ZNF69: variants seen among roughly 807,000 people sequenced by gnomAD.
ZNF69 encodes the protein zinc finger protein 69.
A neutral mutation model predicts 50.9 loss-of-function variants in ZNF69; 47 were observed. That is an observed-to-expected ratio of 0.92 (90% CI 0.73 to 1.18). The LOEUF (loss-of-function observed/expected upper bound fraction) is 1.18, where lower values mean the gene tolerates loss of function less well. Among genes scored for constraint, ZNF69 ranks in the 50% most tolerant of loss-of-function variants. The probability of loss-of-function intolerance (pLI) is 0.00; values close to 1 mark genes in which losing one functional copy is unlikely to be tolerated. For missense variants in ZNF69, 717 were observed against 675.1 expected (o/e 1.06, Z -0.69); for synonymous variants, 216 against 223.1 (o/e 0.97, Z 0.29).
rs1972347996 is a variant in ZNF69, at chr19:11,905,427, C to T, written c.1030C>T (p.Leu344Phe). ...CTQCGKALSSLTSFQTHIRMH... is the reference protein window; with the variant it reads ...CTQCGKALSSFTSFQTHIRMH... ...GCAGTGTGGGAAAGCATTATCCTCTCTTACAAGTTTTCAAACACACATAAG... is the reference window on the plus strand; with the variant it reads ...GCAGTGTGGGAAAGCATTATCCTCTTTTACAAGTTTTCAAACACACATAAG... Residue 344 changes from leucine (L) to phenylalanine (F), a missense_variant, in exon 4 of 4, where the codon CTT becomes TTT. Coordinates refer to ENST00000429654, the MANE Select transcript of ZNF69 (RefSeq NM_001364730.1). The T allele has an allele frequency of 6.2e-7, 1 of 1,614,070 alleles. No individual in the cohort carries two copies. Among genetic ancestry groups the T allele is most frequent in the Non-Finnish European group, 8.5e-7 (1 of 1,180,048 alleles).
chr19:11,954,682 A>C, the ZNF69 span, among the ~76,000 whole-genome samples: 1 of 152,154 alleles, frequency 6.6e-6, no homozygotes, highest in Non-Finnish European at 1.5e-5. Context: ...AATACAAAAA[A>C]TTAGCTGGAT....
the ZNF69 span, among the ~76,000 whole-genome samples, chr19:11,968,002 G>A: frequency 1.3e-5 from 2 of 152,166 alleles, no homozygotes; most frequent in African/African-American, 4.8e-5. Context: ...TGGGACATCC[G>A]GATGTTCTGT....
At chr19:11,965,129 A>G in the ZNF69 span, 1 of 1,601,542 alleles carries the variant, frequency 6.2e-7, no homozygotes, top group Non-Finnish European at 8.6e-7. Context: ...CCAGGTTTCT[A>G]TCGCTCTGTC....
chr19:11,966,098 T>C, the ZNF69 span, among the ~76,000 whole-genome samples: 1 of 152,172 alleles, frequency 6.6e-6, no homozygotes, highest in Non-Finnish European at 1.5e-5. Flanking sequence ...ATTTTATGAA[T>C]TCCAAGGCAT....
chr19:11,906,055 G>T lies in ZNF69; in HGVS notation c.1658G>T (p.Gly553Val). ...FRAASVLRMH[G>V]RTHPEDKPYE... ...GCTGCCTCAGTCCTTCGAATGCATG[G>T]TAGGACTCACCCTGAAGATAAACCC... Residue 553 changes from glycine to valine, a missense_variant, in exon 4 of 4, where the codon GGT becomes GTT. Coordinates refer to ENST00000429654, the MANE Select transcript of ZNF69 (RefSeq NM_001364730.1). The T allele has an allele frequency of 6.2e-7, 1 of 1,613,022 alleles. No homozygotes were observed. Among genetic ancestry groups the T allele is most frequent in the Non-Finnish European group, 8.5e-7 (1 of 1,179,640 alleles).
the ZNF69 span, among the ~76,000 whole-genome samples, chr19:11,960,308 G>A: frequency 2.6e-5 from 4 of 152,284 alleles, no homozygotes; most frequent in African/African-American, 9.6e-5. Context: ...GTGCGCCACT[G>A]CGCCCGTCTC....
At chr19:11,934,918 C>T in the ZNF69 span, among the ~76,000 whole-genome samples, 5 of 147,440 alleles carry the variant, frequency 3.4e-5, 1 homozygote, top group South Asian at 4.2e-4. Context: ...CGGTGGCTCA[C>T]GCCTGTAATC....
At chr19:11,892,964 A>G (rs1485503356) in intron 1 of ZNF69, among the ~76,000 whole-genome samples, 8 of 152,094 alleles carry the variant, frequency 5.3e-5, no homozygotes, top group Non-Finnish European at 1.2e-4. Context: ...CCTCCCAAGT[A>G]GCTGGGATTA....
the ZNF69 span, among the ~76,000 whole-genome samples, chr19:11,930,077 G>C: frequency 1.0e-4 from 15 of 148,104 alleles, no homozygotes; most frequent in Non-Finnish European, 1.9e-4. Context: ...GTGCCTAGGG[G>C]AGTGGGGCCT....
At chr19:11,963,636 G>A in the ZNF69 span, among the ~76,000 whole-genome samples, 8 of 152,002 alleles carry the variant, frequency 5.3e-5, no homozygotes, top group South Asian at 2.1e-4. Flanking sequence ...CGTCCCAATC[G>A]GGCTTAGTTA....
chr19:11,903,459 A>G (rs279205), intron 1 of ZNF69, 114 bp from the exon 2 acceptor site: 463,982 of 1,493,178 alleles, frequency 0.31, 78,941 homozygotes, highest in African/African-American at 0.63. Flanking sequence ...AGGGAGAAAG[A>G]GATCTGATGA....
At chr19:11,972,018 T>C in the ZNF69 span, among the ~76,000 whole-genome samples, 1 of 150,634 alleles carries the variant, frequency 6.6e-6, no homozygotes, top group African/African-American at 2.4e-5. Flanking sequence ...GCCAAGATGG[T>C]GTCATTGCAC....
downstream of ZNF69, among the ~76,000 whole-genome samples, chr19:11,908,581 A>C (rs1262503667): frequency 2.0e-5 from 3 of 152,232 alleles, no homozygotes; most frequent in Non-Finnish European, 4.4e-5. Context: ...TACTGGGTAC[A>C]TAACAAATGA....
chr19:11,890,818 T>C (rs1977067530), intron 1 of ZNF69, among the ~76,000 whole-genome samples: 1 of 152,168 alleles, frequency 6.6e-6, no homozygotes, highest in Non-Finnish European at 1.5e-5. Context: ...ATAAGGTACA[T>C]GAGGAGACAA....
At chr19:11,951,106 ACACCACTG>A in the ZNF69 span, among the ~76,000 whole-genome samples, 2 of 144,664 alleles carry the variant, frequency 1.4e-5, no homozygotes, top group African/African-American at 5.2e-5. Flanking sequence ...AGCAGAGATC[ACACCACTG>A]CACTCCAGCC....
chr19:11,964,758 G>A, the ZNF69 span, among the ~76,000 whole-genome samples: 1 of 151,964 alleles, frequency 6.6e-6, no homozygotes, highest in Non-Finnish European at 1.5e-5. Context: ...GAACGAAGGA[G>A]CGGGGAAAAT....
In ZNF69 at chr19:11,905,053, C is replaced by T. The variant is rs955858457; in HGVS notation, c.656C>T (p.Pro219Leu). 6.2e-7 allele frequency: 1 copy of T among 1,614,140 alleles called. No homozygotes were observed. The highest frequency in any genetic ancestry group is 8.5e-7 in the Non-Finnish European group (1 of 1,180,018). The change falls in exon 4 of 4, where the codon CCT (proline) becomes CTT (leucine). Residue 219 changes from proline to leucine, a missense_variant. Coordinates refer to ENST00000429654, the MANE Select transcript of ZNF69 (RefSeq NM_001364730.1). ...GTGGTAATGCACAGTGGGGATGGAC[C>T]TTATAAATGTAAATTTTGTGGGAAA... ...RHVVMHSGDG[P>L]YKCKFCGKAF...
chr19:11,903,598 C>T lies in ZNF69; in HGVS notation c.89C>T (p.Ala30Val). 4.3e-6 allele frequency: 7 copies of T among 1,614,164 alleles called. No individual in the cohort carries two copies. The highest frequency in any genetic ancestry group is 5.9e-6 in the Non-Finnish European group (7 of 1,180,026). The change falls in exon 2 of 4, where the codon GCT becomes GTT. Residue 30 changes from alanine to valine, a missense_variant. Coordinates refer to ENST00000429654, the MANE Select transcript of ZNF69 (RefSeq NM_001364730.1). ...EMDPVAFDDV[A>V]VNFTQEEWAL... is the part of the protein sequence containing the mutation. ...GACCCAGTGGCCTTTGATGATGTTG[C>T]TGTGAACTTCACCCAGGAGGAGTGG...
the ZNF69 span, among the ~76,000 whole-genome samples, chr19:11,967,010 G>A: frequency 6.6e-6 from 1 of 152,180 alleles, no homozygotes; most frequent in African/African-American, 2.4e-5. Flanking sequence ...TTCAAGACAA[G>A]TCGCAATGTA....
Sources: gnomAD v4.1 joint callset for allele counts (sites outside exome capture counted in the v4.1 genomes callset) on GRCh38, gnomAD v4.1.1 for gene constraint, MANE v1.5 for transcripts, NCBI Gene and HGNC (gene_info 2026-07-23, HGNC 2026-07-21) for gene names.